SELENON: variants seen among roughly 807,000 people sequenced by gnomAD.
The protein encoded by SELENON is selenoprotein N.
A neutral mutation model predicts 59.5 loss-of-function variants in SELENON; 44 were observed. The ratio of observed to expected loss-of-function variants is 0.74; its 90% CI spans 0.58 to 0.95. The LOEUF is 0.95. Among genes scored for constraint, SELENON ranks in the 40% least tolerant of loss-of-function variants. The pLI is 0.00. For missense variants in SELENON, 674 were observed against 721.4 expected, an observed-to-expected ratio of 0.93 and a Z score of 0.75; for synonymous variants, 320 against 305.6, an observed-to-expected ratio of 1.05 and a Z score of -0.49.
At position 25,816,608 on chromosome 1, in the gene SELENON, C is replaced by T. The variant is rs2048013447; in HGVS notation, c.*890C>T. 6.5e-6 allele frequency: 1 copy of T among 152,730 alleles called. No homozygotes were observed. The highest frequency in any genetic ancestry group is 2.1e-4 in the South Asian group (1 of 4,834). The allele number at this position is 152,730 out of a possible 1,614,324, so 9.5% of individuals were successfully genotyped here. A position where few individuals can be genotyped will look rare whatever the true frequency, so the allele number is the denominator to read the frequency against. Reference sequence around the variant, plus strand: ...CACTGTCCCGGCAACCAGGGGTGCCCCAGGCTAGCTCTTCTACCTCTGGGG... The same window carrying T: ...CACTGTCCCGGCAACCAGGGGTGCCTCAGGCTAGCTCTTCTACCTCTGGGG... On this transcript the variant is annotated 3_prime_UTR_variant, in exon 13 of 13. Coordinates refer to ENST00000361547, the MANE Select transcript of SELENON (RefSeq NM_020451.3).
chr1:25,814,042 G>A, intron 11 of SELENON, 35 bp from the exon 11 acceptor site: 1 of 1,609,536 alleles, frequency 6.2e-7, no homozygotes. Context: ...AGTGGTGGGG[G>A]CCGCGGCATC....
At chr1:25,804,075 T>C (rs577150297) in intron 3 of SELENON, among the ~76,000 whole-genome samples, 1 of 152,348 alleles carries the variant, frequency 6.6e-6, no homozygotes, top group African/African-American at 2.4e-5. Flanking sequence ...CCCTGCATAT[T>C]CCTGTTGCTC....
chr1:25,811,645 C>A lies in SELENON; in HGVS notation c.1093-46C>A, dbSNP rs760598. ...GTCTCTAGGGGAGCCCCTGAGGATT[C>A]TTGCCCATCTCTGAGCCTTCCCCCT... On this transcript the variant is annotated intron_variant, in intron 8 of 12. Coordinates refer to ENST00000361547, the MANE Select transcript of SELENON (RefSeq NM_020451.3). 0.77 allele frequency: 1,236,674 copies of A among 1,608,850 alleles called. 481,014 individuals carry two copies. The highest frequency in any genetic ancestry group is 0.96 in the East Asian group (43,082 of 44,824).
At chr1:25,809,409 A>G (rs966849143) in intron 6 of SELENON, among the ~76,000 whole-genome samples, 8 of 152,350 alleles carry the variant, frequency 5.3e-5, no homozygotes, top group African/African-American at 1.9e-4. Context: ...TGGTTGTGCC[A>G]TCCACACAGA....
In SELENON at chr1:25,815,780, C is replaced by T. The variant is rs377153154; in HGVS notation, c.*62C>T. The T allele has an allele frequency of 6.3e-4, 979 of 1,565,840 alleles. 7 individuals carry two copies. The South Asian group carries it at 0.011, about 17-fold the overall frequency. Reference sequence around the variant, plus strand: ...CCTCAGAGCCAGAGTGGTCCTCAGCCCATTTCAGACTGCAGATGCCGCCCA... The same window carrying T: ...CCTCAGAGCCAGAGTGGTCCTCAGCTCATTTCAGACTGCAGATGCCGCCCA... On this transcript the variant is annotated 3_prime_UTR_variant, in exon 13 of 13. Transcript: ENST00000361547.
In SELENON at chr1:25,811,791, TTG is replaced by T. The variant is rs1258790114; in HGVS notation, c.1197_1198del (p.Phe400Ter). On this transcript the variant is annotated frameshift_variant, in exon 9 of 13. Transcript: ENST00000361547. LOFTEE classifies it high-confidence loss of function. ...CTGCCTTCAGGGGAGCCCCTGCAGT[TTG>T]TGTTTGAGGAGATCAAGTGGCAGCA... 1.9e-6 allele frequency: 3 copies of T among 1,590,076 alleles called. No individual in the cohort carries two copies. The highest frequency in any genetic ancestry group is 2.6e-6 in the Non-Finnish European group (3 of 1,168,534).
rs1458265177 is a variant in SELENON, at chr1:25,800,262, C to T, written c.32C>T (p.Pro11Leu). Residue 11 changes from proline (P) to leucine (L), a missense_variant, in exon 1 of 13, where the codon CCG becomes CTG. Coordinates refer to ENST00000361547, the MANE Select transcript of SELENON (RefSeq NM_020451.3). ...CGGGCCCGGCCGGGCCAACGCGGGC[C>T]GCCCAGCCCCGGCCCCGCCGCGCAG... 8 of 941,020 alleles carry T rather than the reference C, an allele frequency of 8.5e-6. No homozygotes were observed. Among genetic ancestry groups the T allele is most frequent in the African/African-American group, 7.2e-5 (4 of 55,840 alleles). 58.3% of individuals were successfully genotyped at this position (941,020 alleles called of 1,614,324 possible). A position where few individuals can be genotyped will look rare whatever the true frequency, so the allele number is the denominator to read the frequency against.
At position 25,812,767 on chromosome 1, in the gene SELENON, G is replaced by A. The variant is rs1465837515; in HGVS notation, c.1362G>A (p.Gly454=). ...TGGTGCACTCAATCCTGCTGTGGGG[G>A]GCCCTGGATGACCAGTCCTGCTGAG... Residue 454 remains glycine, a synonymous_variant, in exon 10 of 13, where the codon GGG becomes GGA. Coordinates refer to ENST00000361547, the MANE Select transcript of SELENON (RefSeq NM_020451.3). 5 of 1,613,434 alleles carry A rather than the reference G, an allele frequency of 3.1e-6. No homozygotes were observed. The African/African-American group carries it at 6.7e-5, about 22-fold the overall frequency.
At chr1:25,802,799 G>T (rs1157097627) in intron 3 of SELENON, among the ~76,000 whole-genome samples, 1 of 152,190 alleles carries the variant, frequency 6.6e-6, no homozygotes, top group Non-Finnish European at 1.5e-5. Context: ...TAACCTCTGT[G>T]CCCATTTTCT....
In SELENON at chr1:25,815,852, A is replaced by C. The variant is rs1177027605; in HGVS notation, c.*134A>C. The C allele has an allele frequency of 3.3e-6, 3 of 920,358 alleles. No homozygotes were observed. The East Asian group carries it at 7.7e-5, about 24-fold the overall frequency. 57.0% of individuals were successfully genotyped at this position (920,358 alleles called of 1,614,324 possible). A position where few individuals can be genotyped will look rare whatever the true frequency, so the allele number is the denominator to read the frequency against. On this transcript the variant is annotated 3_prime_UTR_variant, in exon 13 of 13. Coordinates refer to ENST00000361547, the MANE Select transcript of SELENON (RefSeq NM_020451.3). Reference sequence around the variant, plus strand: ...GCCTTGGAGGGTACAAGATCCACTGAGGGTGGCCACCACAGCCTTGGCTCC... The same window carrying C: ...GCCTTGGAGGGTACAAGATCCACTGCGGGTGGCCACCACAGCCTTGGCTCC...
At position 25,809,039 on chromosome 1, in the gene SELENON, G is replaced by GGCTCCTGAGCAT. The variant is rs2047935171; in HGVS notation, c.763_774dup (p.Leu255_Met258dup). 6.2e-7 allele frequency: 1 copy of GGCTCCTGAGCAT among 1,613,712 alleles called. No individual in the cohort carries two copies. Among genetic ancestry groups the GGCTCCTGAGCAT allele is most frequent in the Non-Finnish European group, 8.5e-7 (1 of 1,180,020 alleles). On this transcript the variant is annotated inframe_insertion, in exon 6 of 13. Coordinates refer to ENST00000361547, the MANE Select transcript of SELENON (RefSeq NM_020451.3). Reference sequence around the variant, plus strand: ...CGCCGCCCCCAGGTCATCATCCACCGGCTCCTGAGCATGTTCCACCCTCGG... The same window carrying GGCTCCTGAGCAT: ...CGCCGCCCCCAGGTCATCATCCACCGGCTCCTGAGCATGCTCCTGAGCATGTTCCACCCTCGG...
rs1287263448 is a variant in SELENON, at chr1:25,812,792, G to A, written c.1387G>A (p.Gly463Ser). 6.2e-7 allele frequency: 1 copy of A among 1,610,196 alleles called. No homozygotes were observed. Among genetic ancestry groups the A allele is most frequent in the Non-Finnish European group, 8.5e-7 (1 of 1,177,538 alleles). ...GGCCCTGGATGACCAGTCCTGCTGA[G>A]GTGAGGGGCCCGGCTGGATCTAAGG... Residue 463 changes from glycine to serine, a missense_variant and splice_region_variant, in exon 10 of 13, where the codon GGT becomes AGT. Gly to Ser is a moderately conservative substitution (Grantham distance 56). Coordinates refer to ENST00000361547, the MANE Select transcript of SELENON (RefSeq NM_020451.3).
Position 25,812,683 on chromosome 1 carries a change from C to T in SELENON, c.1282-4C>T, listed in dbSNP as rs763587144. ...GGCTTCGCTCTGTCTCGGTGTGGCC[C>T]CAGGTCTCCTACTTGCCGTTCACTG... On this transcript the variant is annotated splice_region_variant and splice_polypyrimidine_tract_variant and intron_variant, in intron 9 of 12. Transcript: ENST00000361547. 5 of 1,608,858 alleles carry T rather than the reference C, an allele frequency of 3.1e-6. No homozygotes were observed. Among genetic ancestry groups the T allele is most frequent in the South Asian group, 1.1e-5 (1 of 89,996 alleles).
In SELENON at chr1:25,807,546, C is replaced by T. The variant is rs2124445015; in HGVS notation, c.538-1034C>T. 6.6e-6 allele frequency among the ~76,000 whole-genome samples: 1 copy of T among 152,328 alleles called. No individual in the cohort carries two copies. The highest frequency in any genetic ancestry group is 2.4e-5 in the African/African-American group (1 of 41,586). On this transcript the variant is annotated intron_variant, in intron 4 of 12. Transcript: ENST00000361547. The surrounding 1 kb of genome is among the most constrained non-coding windows in gnomAD (Gnocchi z 4.5). ...GTGAGGCAGGAGCAGCACCCCTAGC[C>T]CTGGCCCCCGAGCAGAGCCCCAGCA...
At position 25,807,858 on chromosome 1, in the gene SELENON, G is replaced by C. The variant is rs2047920975; in HGVS notation, c.538-722G>C. ...TCTGAGCGTCCTCTCCGAGCCATCA[G>C]CTTGTCAGACAGAGGCGAGGCAGGT... On this transcript the variant is annotated intron_variant, in intron 4 of 12. Coordinates refer to ENST00000361547, the MANE Select transcript of SELENON (RefSeq NM_020451.3). The surrounding 1 kb of genome is among the most constrained non-coding windows in gnomAD (Gnocchi z 4.5). 2.0e-5 allele frequency among the ~76,000 whole-genome samples: 3 copies of C among 152,238 alleles called. No individual in the cohort carries two copies. Among genetic ancestry groups the C allele is most frequent in the Non-Finnish European group, 2.9e-5 (2 of 68,040 alleles).
Position 25,800,246 on chromosome 1 carries a change from C to A in SELENON, c.16C>A (p.Pro6Thr). Residue 6 changes from proline to threonine, a missense_variant, in exon 1 of 13, where the codon CCG becomes ACG. Physicochemically the swap from Pro to Thr is conservative, Grantham distance 38. Coordinates refer to ENST00000361547, the MANE Select transcript of SELENON (RefSeq NM_020451.3). ...AGCCGCAGCCATGGGCCGGGCCCGGCCGGGCCAACGCGGGCCGCCCAGCCC... is the reference window on the plus strand; with the variant it reads ...AGCCGCAGCCATGGGCCGGGCCCGGACGGGCCAACGCGGGCCGCCCAGCCC... 1 of 878,956 alleles carries A rather than the reference C, an allele frequency of 1.1e-6. No homozygotes were observed. The highest frequency in any genetic ancestry group is 1.4e-6 in the Non-Finnish European group (1 of 735,726). The allele number at this position is 878,956 out of a possible 1,614,324, so 54.4% of individuals were successfully genotyped here. A position where few individuals can be genotyped will look rare whatever the true frequency, so the allele number is the denominator to read the frequency against.
intron 7 of SELENON, among the ~76,000 whole-genome samples, chr1:25,810,642 A>C (rs1257908887): frequency 2.0e-5 from 3 of 152,206 alleles, no homozygotes; most frequent in African/African-American, 7.2e-5. Context: ...CTTCACCCAC[A>C]GGGCAGGCGT....
chr1:25,810,481 G>T (rs2047948599), intron 7 of SELENON, among the ~76,000 whole-genome samples: 2 of 152,218 alleles, frequency 1.3e-5, no homozygotes, highest in African/African-American at 4.8e-5. Flanking sequence ...CTGAGTGACC[G>T]CTCTACAGGG....
At position 25,800,554 on chromosome 1, in the gene SELENON, G is replaced by T. The variant is rs114881403; in HGVS notation, c.183+141G>T. On this transcript the variant is annotated intron_variant, in intron 1 of 12. Coordinates refer to ENST00000361547, the MANE Select transcript of SELENON (RefSeq NM_020451.3). ...GACTGGACGGGAGGGAGCACGGGAA[G>T]GAGGGGACACGGGAGGCGGGTGGGG... is the stretch of plus-strand genomic sequence containing the variant. 3.2e-3 allele frequency: 1,262 copies of T among 392,648 alleles called. 14 individuals are homozygous for T. Among genetic ancestry groups the T allele is most frequent in the African/African-American group, 0.025 (1,165 of 47,120 alleles). The allele number at this position is 392,648 out of a possible 1,614,324, so 24.3% of individuals were successfully genotyped here. A position where few individuals can be genotyped will look rare whatever the true frequency, so the allele number is the denominator to read the frequency against.
Sources: gnomAD v4.1 joint callset for allele counts (sites outside exome capture counted in the v4.1 genomes callset) on GRCh38, gnomAD v4.1.1 for gene constraint, Gnocchi (gnomAD v3.1) non-coding constraint, MANE v1.5 for transcripts, NCBI Gene and HGNC (gene_info 2026-07-23, HGNC 2026-07-21) for gene names.